Variants in TMED8 observed in about 807,000 individuals in gnomAD.
TMED8 encodes the protein transmembrane p24 trafficking protein family member 8, also known as protein TMED8.
TMED8 carries 15 observed loss-of-function variants against 32.7 expected under a neutral mutation model. The observed-to-expected ratio is 0.46, with a 90% CI of 0.31 to 0.71. The LOEUF (loss-of-function observed/expected upper bound fraction) is 0.71, where lower values mean the gene tolerates loss of function less well. TMED8 is among the 30% of genes least tolerant of loss of function. TMED8 has a pLI of 0.06. For synonymous variants in TMED8, 147 were observed against 161.4 expected (o/e 0.91, Z 0.68); for missense variants, 390 against 423.9 (o/e 0.92, Z 0.70).
Position 77,337,689 on chromosome 14 carries a change from C to T in TMED8, c.*4082G>A, listed in dbSNP as rs763444490. ...TACAGGCGTGGGCCACGGCGCCTGGCCTCCAAGAAACATTTTTATGAAGAC... is the reference window on the plus strand; with the variant it reads ...TACAGGCGTGGGCCACGGCGCCTGGTCTCCAAGAAACATTTTTATGAAGAC... On this transcript the variant is annotated 3_prime_UTR_variant, in exon 6 of 6. Transcript: ENST00000216468. 1 of 152,200 alleles carries T rather than the reference C, an allele frequency of 6.6e-6. No homozygotes were observed. Among genetic ancestry groups the T allele is most frequent in the Admixed American group, 6.5e-5 (1 of 15,276 alleles). The allele number at this position is 152,200 out of a possible 1,614,324, so 9.4% of individuals were successfully genotyped here.
intron 1 of TMED8, among the ~76,000 whole-genome samples, chr14:77,373,898 C>T (rs1893754426): frequency 1.3e-5 from 2 of 152,038 alleles, no homozygotes; most frequent in African/African-American, 2.4e-5. Context: ...GACCTCCTCC[C>T]GTCTCTCTCT....
At position 77,342,084 on chromosome 14, in the gene TMED8, G is replaced by T. The variant is rs935383090; in HGVS notation, c.761-96C>A. 1.6e-5 allele frequency: 16 copies of T among 1,008,316 alleles called. No individual in the cohort carries two copies. In the Admixed American group the frequency reaches 3.4e-4, roughly 21 times the overall value. The allele number at this position is 1,008,316 out of a possible 1,614,324, so 62.5% of individuals were successfully genotyped here. ...GTGACCCAGTGGCTTTCACAGAGCG[G>T]GGAGATTATTGCCCTCCTACAGACA... On this transcript the variant is annotated intron_variant, in intron 5 of 5. Coordinates refer to ENST00000216468, the MANE Select transcript of TMED8 (RefSeq NM_213601.3).
At chr14:77,369,443 G>A (rs950454049) in intron 1 of TMED8, among the ~76,000 whole-genome samples, 2 of 152,214 alleles carry the variant, frequency 1.3e-5, no homozygotes, top group African/African-American at 4.8e-5. Context: ...TCCCTGCAAT[G>A]ACCTACTTTT....
At position 77,360,810 on chromosome 14, in the gene TMED8, A is replaced by C. The variant is rs557771401; in HGVS notation, c.119-9059T>G. On this transcript the variant is annotated intron_variant, in intron 1 of 5. Coordinates refer to ENST00000216468, the MANE Select transcript of TMED8 (RefSeq NM_213601.3). ...ATCTACATTTGTACCAACAGTTGTT[A>C]TCTCTTACCAAAGAGAAGTCATCCT... Among the ~76,000 whole-genome samples, 3 of 152,234 alleles carry C rather than the reference A, an allele frequency of 2.0e-5. No individual in the cohort carries two copies. In the South Asian group the frequency reaches 6.2e-4, roughly 32 times the overall value.
chr14:77,345,968 CAA>C (rs370981070), intron 3 of TMED8, among the ~76,000 whole-genome samples: 20 of 76,650 alleles, frequency 2.6e-4, no homozygotes, highest in Non-Finnish European at 4.0e-4. Flanking sequence ...GACCCTGTCT[CAA>C]AAAAAAAAAA....
At chr14:77,347,981 T>TG (rs1371462728) in intron 2 of TMED8, among the ~76,000 whole-genome samples, 1 of 152,176 alleles carries the variant, frequency 6.6e-6, no homozygotes, top group Non-Finnish European at 1.5e-5. Flanking sequence ...CTCAAGAGTG[T>TG]GCAGTGGAAT....
intron 2 of TMED8, among the ~76,000 whole-genome samples, chr14:77,348,514 C>T (rs927401461): frequency 6.6e-5 from 10 of 152,134 alleles, no homozygotes; most frequent in African/African-American, 9.7e-5. Context: ...TGAGCCACCG[C>T]GCCCGGCTGT....
At chr14:77,358,181 TCACACA>T (rs75880149) in intron 1 of TMED8, among the ~76,000 whole-genome samples, 38 of 145,410 alleles carry the variant, frequency 2.6e-4, no homozygotes, top group Middle Eastern at 7.1e-3. Flanking sequence ...ATGTAATATA[TCACACA>T]CACACACACA....
rs142780114 is a variant in TMED8, at chr14:77,343,385, C to G, written c.553G>C (p.Val185Leu). Residue 185 changes from valine to leucine, a missense_variant, in exon 5 of 6, where the codon GTG (valine) becomes CTG (leucine). By Grantham distance (32) the Val-to-Leu change is conservative (BLOSUM62 1). Transcript: ENST00000216468. ...LGKEKNSRLVVKRGEVVTIRV... is the reference protein window; with the variant it reads ...LGKEKNSRLVLKRGEVVTIRV... ...ATGGTCACCACCTCACCACGCTTCA[C>G]CACCAGACGGCTGTTCTTCTCTTTG... 6.2e-7 allele frequency: 1 copy of G among 1,614,110 alleles called. No individual in the cohort carries two copies. Among genetic ancestry groups the G allele is most frequent in the African/African-American group, 1.3e-5 (1 of 75,006 alleles).
chr14:77,372,819 C>A (rs1893701114), intron 1 of TMED8, among the ~76,000 whole-genome samples: 1 of 148,084 alleles, frequency 6.8e-6, no homozygotes, highest in Non-Finnish European at 1.5e-5. Flanking sequence ...GGCTGTTTGT[C>A]ATTGACTCCC....
At chr14:77,371,198 T>A (rs1893671435) in intron 1 of TMED8, among the ~76,000 whole-genome samples, 1 of 152,040 alleles carries the variant, frequency 6.6e-6, no homozygotes. Flanking sequence ...AAAGAATGAG[T>A]CAAAGGGGCA....
intron 1 of TMED8, among the ~76,000 whole-genome samples, chr14:77,370,632 A>G (rs1300024498): frequency 3.9e-5 from 6 of 152,190 alleles, no homozygotes; most frequent in African/African-American, 7.2e-5. Flanking sequence ...CAAAAAGCAT[A>G]TAAGTATACA....
chr14:77,374,467 T>A (rs1366384471), intron 1 of TMED8, among the ~76,000 whole-genome samples: 1 of 152,276 alleles, frequency 6.6e-6, no homozygotes, highest in Non-Finnish European at 1.5e-5. Flanking sequence ...CCTCACTAGA[T>A]GTCAGCAATA....
chr14:77,372,906 T>TTTTTATATATA lies in TMED8; in HGVS notation c.118+4029_118+4030insTATATATAAAA, dbSNP rs1227686477. Among the ~76,000 whole-genome samples, 4 of 35,342 alleles carry TTTTTATATATA rather than the reference T, an allele frequency of 1.1e-4. 1 individual carries two copies. Among genetic ancestry groups the TTTTTATATATA allele is most frequent in the African/African-American group, 2.9e-4 (3 of 10,300 alleles). The allele number at this position is 35,342 out of a possible 152,430, so 23.2% of individuals were successfully genotyped here. On this transcript the variant is annotated intron_variant, in intron 1 of 5. Coordinates refer to ENST00000216468, the MANE Select transcript of TMED8 (RefSeq NM_213601.3). ...ATGCACATTGAAATAGCCACAGATA[T>TTTTTATATATA]TATATATATATATATATATATATAT...
At chr14:77,352,126 C>T (rs191141362) in intron 1 of TMED8, among the ~76,000 whole-genome samples, 8 of 151,876 alleles carry the variant, frequency 5.3e-5, no homozygotes, top group Middle Eastern at 3.4e-3. Context: ...AGAGCAAGAC[C>T]CTGTCTCTAA....
intron 2 of TMED8, among the ~76,000 whole-genome samples, chr14:77,351,436 G>GTTT (rs1566687602): frequency 2.9e-4 from 34 of 117,960 alleles, no homozygotes; most frequent in African/African-American, 5.3e-4. Context: ...TTTTTTTTTG[G>GTTT]ATTTTTAGTA....
intron 1 of TMED8, among the ~76,000 whole-genome samples, chr14:77,365,821 G>A (rs779611347): frequency 6.6e-6 from 1 of 152,144 alleles, no homozygotes; most frequent in Admixed American, 6.5e-5. Flanking sequence ...GCTAGTAAAT[G>A]ACATGGTCAA....
rs1264181300 is a variant in TMED8 at position 77,340,314 on chromosome 14, G to A, written c.*1457C>T. 1 of 152,222 alleles carries A rather than the reference G, an allele frequency of 6.6e-6. No homozygotes were observed. The highest frequency in any genetic ancestry group is 2.4e-5 in the African/African-American group (1 of 41,460). 9.4% of individuals were successfully genotyped at this position (152,222 alleles called of 1,614,324 possible). On this transcript the variant is annotated 3_prime_UTR_variant, in exon 6 of 6. Coordinates refer to ENST00000216468, the MANE Select transcript of TMED8 (RefSeq NM_213601.3). ...TAACTCCATAAAAGAGGGGGCTTCA[G>A]TGGCTCAGAACAGATGGGAAGCCTT...
rs1265819065 is a variant in TMED8, at chr14:77,341,996, A to G, written c.761-8T>C. On this transcript the variant is annotated splice_region_variant and splice_polypyrimidine_tract_variant and intron_variant, in intron 5 of 5. Transcript: ENST00000216468. ...CTCCAGCTGGAACGGGTTCTGCGTG[A>G]GCAAAATGGCAAAGTGTTCAGAGAC... 1.9e-6 allele frequency: 3 copies of G among 1,613,502 alleles called. No homozygotes were observed. Among genetic ancestry groups the G allele is most frequent in the Non-Finnish European group, 2.5e-6 (3 of 1,179,784 alleles).
Sources: allele counts gnomAD v4.1 joint callset (sites outside exome capture counted in the v4.1 genomes callset), GRCh38; gene constraint gnomAD v4.1.1; transcripts MANE v1.5; gene names NCBI Gene and HGNC (gene_info 2026-07-23, HGNC 2026-07-21).